DOCK4: variants seen among roughly 807,000 people sequenced by gnomAD.
DOCK4 encodes dedicator of cytokinesis protein 4.
A neutral mutation model predicts 268.1 loss-of-function variants in DOCK4; 97 were observed. The observed-to-expected ratio is 0.36, with a 90% CI of 0.31 to 0.43. The LOEUF (loss-of-function observed/expected upper bound fraction) is 0.43. Ranked by LOEUF, DOCK4 falls within the 20% of genes least tolerant of loss-of-function variation. The pLI is 1.00. For synonymous variants in DOCK4, 954 were observed against 887.2 expected (o/e 1.08, Z -1.34); for missense variants, 2,145 against 2,455.7 (o/e 0.87, Z 2.67).
chr7:111,768,151 T>C lies in DOCK4; in HGVS notation c.3829-1033A>G, dbSNP rs2133660346. 2.0e-5 allele frequency among the ~76,000 whole-genome samples: 3 copies of C among 152,306 alleles called. No homozygotes were observed. The South Asian group carries it at 6.2e-4, about 32-fold the overall frequency. On this transcript the variant is annotated intron_variant, in intron 37 of 52. Transcript: ENST00000428084. Reference sequence around the variant, plus strand: ...GATTTCTTTCAACCATTTAAAAACGTAAAAGAGATTTGTAGCTTTGGGGCT... The same window carrying C: ...GATTTCTTTCAACCATTTAAAAACGCAAAAGAGATTTGTAGCTTTGGGGCT...
intron 7 of DOCK4, 149 bp downstream of exon 7, chr7:111,984,157 G>A (rs1562961527): frequency 1.5e-6 from 1 of 663,230 alleles, no homozygotes; most frequent in Non-Finnish European, 2.5e-6. Context: ...CTGTACTGAG[G>A]GCATGGTCAC....
At chr7:112,010,451 G>T (rs192835315) in intron 1 of DOCK4, among the ~76,000 whole-genome samples, 3 of 152,180 alleles carry the variant, frequency 2.0e-5, no homozygotes, top group African/African-American at 7.2e-5. Flanking sequence ...ATTCCTTACC[G>T]CTGGGAACTC....
intron 3 of DOCK4, among the ~76,000 whole-genome samples, chr7:111,999,825 T>C (rs1800279566): frequency 6.6e-6 from 1 of 151,240 alleles, no homozygotes; most frequent in Non-Finnish European, 1.5e-5. Context: ...ATGTAGGAAA[T>C]ACAGGTGAAG....
In DOCK4 at chr7:111,969,318, C is replaced by A. The variant is rs545919590; in HGVS notation, c.701+7814G>T. Among the ~76,000 whole-genome samples the A allele has an allele frequency of 3.9e-3, 583 of 149,738 alleles. 5 individuals are homozygous for A. The highest frequency in any genetic ancestry group is 0.014 in the African/African-American group (562 of 40,380). ...GCTTCCAATTCTGTATGAAAGATTTCTAAATCTACATTTTCTGTTGTGGCT... is the reference window on the plus strand; with the variant it reads ...GCTTCCAATTCTGTATGAAAGATTTATAAATCTACATTTTCTGTTGTGGCT... On this transcript the variant is annotated intron_variant, in intron 8 of 52. Coordinates refer to ENST00000428084, the MANE Select transcript of DOCK4 (RefSeq NM_001363540.2).
intron 1 of DOCK4, among the ~76,000 whole-genome samples, chr7:112,093,942 A>G (rs1265809850): frequency 1.3e-5 from 2 of 151,828 alleles, no homozygotes; most frequent in African/African-American, 4.8e-5. Flanking sequence ...AAATTTAAAC[A>G]CAGAAAATCT....
intron 1 of DOCK4, among the ~76,000 whole-genome samples, chr7:112,065,853 C>A (rs1011874964): frequency 1.3e-5 from 2 of 152,040 alleles, no homozygotes; most frequent in Admixed American, 6.6e-5. Context: ...GAGTTACAGA[C>A]ATCAATCACC....
intron 1 of DOCK4, among the ~76,000 whole-genome samples, chr7:112,158,741 G>C (rs1189869106): frequency 6.6e-6 from 1 of 152,158 alleles, no homozygotes; most frequent in African/African-American, 2.4e-5. Context: ...AAAGTAGTTA[G>C]AGAAGCTTTG....
chr7:111,994,449 A>G (rs1310159578), intron 4 of DOCK4, among the ~76,000 whole-genome samples: 2 of 152,150 alleles, frequency 1.3e-5, no homozygotes, highest in African/African-American at 4.8e-5. Context: ...ATCAAGTTTG[A>G]GCAGCGTGGT....
chr7:112,201,658 AG>A (rs746905682), intron 1 of DOCK4, among the ~76,000 whole-genome samples: 15 of 98,632 alleles, frequency 1.5e-4, no homozygotes, highest in Admixed American at 1.3e-3. Context: ...CGGGGTGGGG[AG>A]GGGGGAGGAA....
At chr7:111,815,147 T>C (rs1801444614) in intron 27 of DOCK4, among the ~76,000 whole-genome samples, 1 of 152,204 alleles carries the variant, frequency 6.6e-6, no homozygotes, top group Admixed American at 6.5e-5. Context: ...CAAAATTGTA[T>C]CTAATGTGGC....
intron 22 of DOCK4, among the ~76,000 whole-genome samples, chr7:111,867,320 C>A (rs1180451002): frequency 6.6e-6 from 1 of 152,098 alleles, no homozygotes. Context: ...CTCCTTCTGA[C>A]AGGTTTTTAA....
intron 1 of DOCK4, among the ~76,000 whole-genome samples, chr7:112,190,352 C>CAGAGCAGGAACAGAGGT (rs1819840034): frequency 6.6e-6 from 1 of 152,100 alleles, no homozygotes; most frequent in South Asian, 2.1e-4. Context: ...CTGCAGGGCA[C>CAGAGCAGGAACAGAGGT]AGAGCAGGAA....
chr7:111,888,211 T>A (rs1305571317), intron 16 of DOCK4, among the ~76,000 whole-genome samples: 1 of 149,164 alleles, frequency 6.7e-6, no homozygotes, highest in Non-Finnish European at 1.5e-5. Flanking sequence ...AATGCCCTAA[T>A]CTGTCAGCAT....
intron 1 of DOCK4, among the ~76,000 whole-genome samples, chr7:112,024,278 C>A (rs1178067151): frequency 6.6e-6 from 1 of 152,160 alleles, no homozygotes; most frequent in Admixed American, 6.5e-5. Context: ...CTGAGACTCC[C>A]AAATTGATAT....
chr7:111,914,997 C>G (rs775669160), intron 13 of DOCK4, among the ~76,000 whole-genome samples: 1 of 152,196 alleles, frequency 6.6e-6, no homozygotes, highest in Non-Finnish European at 1.5e-5. Flanking sequence ...TGCTGACTGA[C>G]TAAATCAATT....
At chr7:112,056,866 C>T (rs932057876) in intron 1 of DOCK4, among the ~76,000 whole-genome samples, 1 of 151,952 alleles carries the variant, frequency 6.6e-6, no homozygotes, top group Admixed American at 6.6e-5. Flanking sequence ...ATTTTATATA[C>T]AAGGTTGAAA....
chr7:111,927,584 G>A (rs961818050), intron 12 of DOCK4, among the ~76,000 whole-genome samples: 2 of 152,128 alleles, frequency 1.3e-5, no homozygotes, highest in Non-Finnish European at 2.9e-5. Flanking sequence ...TTCTGATTTA[G>A]TGTATCAACA....
chr7:112,029,936 A>G (rs1175850977), intron 1 of DOCK4, among the ~76,000 whole-genome samples: 2 of 152,244 alleles, frequency 1.3e-5, no homozygotes, highest in Admixed American at 1.3e-4. Context: ...CTGAATATCT[A>G]AATCATTCCA....
chr7:111,842,949 C>A (rs979786302), intron 25 of DOCK4, among the ~76,000 whole-genome samples: 2 of 152,184 alleles, frequency 1.3e-5, no homozygotes, highest in African/African-American at 4.8e-5. Flanking sequence ...CCAGCTAAAA[C>A]AGAAGGTTTA....
Sources: allele counts gnomAD v4.1 joint callset (sites outside exome capture counted in the v4.1 genomes callset), GRCh38; gene constraint gnomAD v4.1.1; transcripts MANE v1.5; gene names NCBI Gene and HGNC (gene_info 2026-07-23, HGNC 2026-07-21).